BBS9: variants seen among roughly 807,000 people sequenced by gnomAD.
The protein encoded by BBS9 is Bardet-Biedl syndrome 9.
A neutral mutation model predicts 117.7 loss-of-function variants in BBS9; 89 were observed. The observed-to-expected ratio is 0.76, with a 90% CI of 0.64 to 0.90. The LOEUF is 0.90. Among genes scored for constraint, BBS9 ranks in the 40% least tolerant of loss-of-function variants. The probability of loss-of-function intolerance (pLI) is 0.00; values close to 1 mark genes in which losing one functional copy is unlikely to be tolerated. For synonymous variants in BBS9, 379 were observed against 370.9 expected (o/e 1.02, Z -0.25); for missense variants, 982 against 1,042.2 (o/e 0.94, Z 0.80).
intron 21 of BBS9, among the ~76,000 whole-genome samples, chr7:33,625,555 A>C (rs772115288): frequency 6.6e-6 from 1 of 152,158 alleles, no homozygotes; most frequent in Non-Finnish European, 1.5e-5. Context: ...TAGATTACCA[A>C]CTGTATCACT....
chr7:33,469,062 T>C (rs2128950038), intron 19 of BBS9, among the ~76,000 whole-genome samples: 1 of 152,232 alleles, frequency 6.6e-6, no homozygotes, highest in East Asian at 1.9e-4. Context: ...GGAGGTTTTA[T>C]TAATAACCAC....
intron 19 of BBS9, among the ~76,000 whole-genome samples, chr7:33,446,948 G>C (rs531748268): frequency 6.6e-6 from 1 of 152,276 alleles, no homozygotes; most frequent in Admixed American, 6.5e-5. Flanking sequence ...TTGGCTAAAG[G>C]TGGCAAGTTC....
intron 9 of BBS9, among the ~76,000 whole-genome samples, chr7:33,301,785 A>G (rs1806503949): frequency 6.6e-6 from 1 of 152,116 alleles, no homozygotes; most frequent in South Asian, 2.1e-4. Context: ...TCTTTTGTGT[A>G]TATAAGAGGG....
chr7:33,539,392 C>T (rs964307154), intron 21 of BBS9, among the ~76,000 whole-genome samples: 3 of 152,216 alleles, frequency 2.0e-5, no homozygotes, highest in Non-Finnish European at 4.4e-5. Context: ...TGTGCACCTG[C>T]ACTCCAATCC....
At chr7:33,318,827 A>G (rs1446284755) in intron 9 of BBS9, among the ~76,000 whole-genome samples, 1 of 152,092 alleles carries the variant, frequency 6.6e-6, no homozygotes, top group Non-Finnish European at 1.5e-5. Flanking sequence ...GAGTGACAAC[A>G]TATGATGTTT....
At chr7:33,246,972 G>A (rs1795433344) in intron 5 of BBS9, among the ~76,000 whole-genome samples, 1 of 152,090 alleles carries the variant, frequency 6.6e-6, no homozygotes, top group African/African-American at 2.4e-5. Flanking sequence ...CATTTGAACA[G>A]CCAACAGTTC....
In BBS9 at chr7:33,323,197, G is replaced by A. The variant is rs181870840; in HGVS notation, c.1017-13244G>A. ...GAATGATCCATGTGCTGAAGAAAAT[G>A]TGTATTCTGCAGCCGTTAGATGAAA... On this transcript the variant is annotated intron_variant, in intron 9 of 22. Transcript: ENST00000242067. Among the ~76,000 whole-genome samples the A allele has an allele frequency of 6.8e-4, 104 of 152,194 alleles. 1 individual carries two copies. Among genetic ancestry groups the A allele is most frequent in the Non-Finnish European group, 9.3e-4 (63 of 67,976 alleles).
intron 16 of BBS9, among the ~76,000 whole-genome samples, chr7:33,360,052 C>T (rs189934337): frequency 1.8e-3 from 274 of 152,058 alleles, no homozygotes; most frequent in Non-Finnish European, 3.1e-3. Flanking sequence ...CTTTTTACAC[C>T]ATTAGATATT....
chr7:33,459,159 A>C lies in BBS9; in HGVS notation c.2116-46304A>C, dbSNP rs80021258. ...AGACAAAACGAACTCCTTTCCATTGAGATCCCTCTTCCCTTTGCTTGTTCT... is the reference window on the plus strand; with the variant it reads ...AGACAAAACGAACTCCTTTCCATTGCGATCCCTCTTCCCTTTGCTTGTTCT... On this transcript the variant is annotated intron_variant, in intron 19 of 22. Transcript: ENST00000242067. 7.3e-3 allele frequency among the ~76,000 whole-genome samples: 1,108 copies of C among 152,208 alleles called. 16 individuals are homozygous for C. Among genetic ancestry groups the C allele is most frequent in the African/African-American group, 0.024 (1,014 of 41,542 alleles).
intron 4 of BBS9, among the ~76,000 whole-genome samples, chr7:33,166,380 G>A (rs1795689604): frequency 1.3e-5 from 2 of 152,206 alleles, no homozygotes; most frequent in Admixed American, 1.3e-4. Context: ...GAGAACCATT[G>A]GTCTTTTCAG....
At chr7:33,503,488 T>G (rs1845729841) in intron 19 of BBS9, among the ~76,000 whole-genome samples, 1 of 152,148 alleles carries the variant, frequency 6.6e-6, no homozygotes, top group African/African-American at 2.4e-5. Context: ...GAATTCTCCT[T>G]TATAGCCTAT....
intron 19 of BBS9, among the ~76,000 whole-genome samples, chr7:33,399,880 T>C (rs1221466537): frequency 1.3e-5 from 2 of 152,160 alleles, no homozygotes; most frequent in Non-Finnish European, 2.9e-5. Context: ...CTAATTGACA[T>C]TAATGGGGGT....
chr7:33,457,322 T>A (rs1251446069), intron 19 of BBS9, among the ~76,000 whole-genome samples: 1 of 152,208 alleles, frequency 6.6e-6, no homozygotes, highest in African/African-American at 2.4e-5. Flanking sequence ...CTTATGCTTA[T>A]GTAGAGGAGT....
chr7:33,220,532 C>T (rs1894873), intron 5 of BBS9, among the ~76,000 whole-genome samples: 1 of 152,118 alleles, frequency 6.6e-6, no homozygotes, highest in East Asian at 1.9e-4. Context: ...TACTTTGTAC[C>T]TAATGTGTGC....
intron 21 of BBS9, among the ~76,000 whole-genome samples, chr7:33,593,032 G>A (rs1862185526): frequency 6.6e-6 from 1 of 152,118 alleles, no homozygotes; most frequent in African/African-American, 2.4e-5. Context: ...GAGGGAGTTA[G>A]AAAAGGAAAG....
In BBS9 at chr7:33,515,952, T is replaced by G. The variant is rs527994323; in HGVS notation, c.2298+10307T>G. Among the ~76,000 whole-genome samples the G allele has an allele frequency of 3.3e-5, 5 of 152,338 alleles. No individual in the cohort carries two copies. The South Asian group carries it at 1.0e-3, about 32-fold the overall frequency. ...TCTGTGCACACAGTAACTTTTTTGC[T>G]CAATGATAAGTCATGGTGTGGTTTT... On this transcript the variant is annotated intron_variant, in intron 20 of 22. Transcript: ENST00000242067.
At chr7:33,252,555 G>T (rs115999336) in intron 5 of BBS9, among the ~76,000 whole-genome samples, 1 of 152,242 alleles carries the variant, frequency 6.6e-6, no homozygotes, top group African/African-American at 2.4e-5. Context: ...GTTCCTAGGT[G>T]ATGCAAATGG....
At chr7:33,184,135 G>T (rs1798475235) in intron 5 of BBS9, among the ~76,000 whole-genome samples, 1 of 151,378 alleles carries the variant, frequency 6.6e-6, no homozygotes, top group Non-Finnish European at 1.5e-5. Flanking sequence ...GAGAAGAAAG[G>T]CAAGGGAAGG....
At chr7:33,237,331 C>G (rs1183652554) in intron 5 of BBS9, among the ~76,000 whole-genome samples, 3 of 152,234 alleles carry the variant, frequency 2.0e-5, no homozygotes, top group South Asian at 4.1e-4. Context: ...GACTTTTGTT[C>G]TTCTTTGAGC....
Sources: gnomAD v4.1 joint callset for allele counts (sites outside exome capture counted in the v4.1 genomes callset) on GRCh38, gnomAD v4.1.1 for gene constraint, MANE v1.5 for transcripts, NCBI Gene and HGNC (gene_info 2026-07-23, HGNC 2026-07-21) for gene names.